Variants in NECTIN1 observed in about 807,000 individuals in gnomAD.
The protein encoded by NECTIN1 is nectin-1.
In NECTIN1, 23 loss-of-function variants were observed where a neutral mutation model predicts 48.0. The ratio of observed to expected loss-of-function variants is 0.48; its 90% CI spans 0.34 to 0.68. The LOEUF (loss-of-function observed/expected upper bound fraction) is 0.68, where lower values mean the gene tolerates loss of function less well. Ranked by LOEUF, NECTIN1 falls within the 30% of genes least tolerant of loss-of-function variation. The probability of loss-of-function intolerance (pLI) is 0.01; values close to 1 mark genes in which losing one functional copy is unlikely to be tolerated. For missense variants in NECTIN1, 591 were observed against 709.9 expected (o/e 0.83, Z 1.90); for synonymous variants, 270 against 288.9 (o/e 0.93, Z 0.66).
chr11:119,644,357 G>A (rs907714388), intron 5 of NECTIN1, among the ~76,000 whole-genome samples: 1 of 152,152 alleles, frequency 6.6e-6, no homozygotes, highest in Non-Finnish European at 1.5e-5. Context: ...GGAGCTTTGG[G>A]TCACACCCAA....
Position 119,663,349 on chromosome 11 carries a change from G to A in NECTIN1, c.*1398C>T. The A allele has an allele frequency of 1.0e-6, 1 of 985,480 alleles. No individual in the cohort carries two copies. The highest frequency in any genetic ancestry group is 1.2e-6 in the Non-Finnish European group (1 of 829,934). The allele number at this position is 985,480 out of a possible 1,614,324, so 61.0% of individuals were successfully genotyped here. ...TCCATTATATACATGGGAAGACCCA[G>A]TCTGGGGTGGCTGATAGGAACTCAA... On this transcript the variant is annotated 3_prime_UTR_variant, in exon 6 of 6. Coordinates refer to ENST00000264025, the MANE Select transcript of NECTIN1 (RefSeq NM_002855.5).
chr11:119,709,982 C>T lies in NECTIN1; in HGVS notation c.79+18493G>A, dbSNP rs1042491254. The T allele has an allele frequency of 6.6e-6, 1 of 152,232 alleles. No homozygotes were observed. Among genetic ancestry groups the T allele is most frequent in the Non-Finnish European group, 1.5e-5 (1 of 68,080 alleles). The allele number at this position is 152,232 out of a possible 1,614,324, so 9.4% of individuals were successfully genotyped here. A position where few individuals can be genotyped will look rare whatever the true frequency, so the allele number is the denominator to read the frequency against. ...ACGAGGCCGCAGAGAGCTCAGCCCC[C>T]AGGATGGACGGGAAACCCTGGGTCA... On this transcript the variant is annotated intron_variant, in intron 1 of 5. Coordinates refer to ENST00000264025, the MANE Select transcript of NECTIN1 (RefSeq NM_002855.5). This position sits in a 1 kb window ranked among gnomAD's most constrained non-coding sequence, Gnocchi z 4.1.
In NECTIN1 at chr11:119,645,109, G is replaced by C. The variant is rs1003931228; in HGVS notation, c.1004-5097C>G. On this transcript the variant is annotated intron_variant, in intron 5 of 7. Coordinates refer to the NECTIN1 transcript ENST00000341398. ...CTTGTCTCCTCTGATGCAGGCCACA[G>C]GTGTTTGCGGGGAGCCAGGAGCTCA... 8.3e-5 allele frequency among the ~76,000 whole-genome samples: 11 copies of C among 131,840 alleles called. 1 individual carries two copies. The highest frequency in any genetic ancestry group is 3.0e-4 in the African/African-American group (11 of 36,676). The allele number at this position is 131,840 out of a possible 152,430, so 86.5% of individuals were successfully genotyped here.
chr11:119,691,552 T>G (rs1464021791), intron 1 of NECTIN1, among the ~76,000 whole-genome samples: 1 of 152,228 alleles, frequency 6.6e-6, no homozygotes, highest in East Asian at 1.9e-4. Flanking sequence ...CAGCAGGGCC[T>G]GTGGACACAT....
intron 5 of NECTIN1, chr11:119,674,485 A>T: frequency 6.2e-7 from 1 of 1,612,398 alleles, no homozygotes; most frequent in Non-Finnish European, 8.5e-7. Flanking sequence ...CCTTCAAGGT[A>T]CATCATACTG....
rs148995814 is a variant in NECTIN1 at position 119,709,358 on chromosome 11, G to A, written c.79+19117C>T. 1.6e-4 allele frequency among the ~76,000 whole-genome samples: 24 copies of A among 152,240 alleles called. No individual in the cohort carries two copies. In the East Asian group the frequency reaches 4.4e-3, roughly 28 times the overall value. On this transcript the variant is annotated intron_variant, in intron 1 of 5. Transcript: ENST00000264025. This position sits in a 1 kb window ranked among gnomAD's most constrained non-coding sequence, Gnocchi z 4.1. ...CCAGCTCCACATCCGGGCCCAGGGCGCCTCTGTCTGCCACGCACTTGCCTG... is the reference window on the plus strand; with the variant it reads ...CCAGCTCCACATCCGGGCCCAGGGCACCTCTGTCTGCCACGCACTTGCCTG...
In NECTIN1 at chr11:119,702,412, G is replaced by A. The variant is rs1354448204; in HGVS notation, c.80-23647C>T. On this transcript the variant is annotated intron_variant, in intron 1 of 5. Coordinates refer to ENST00000264025, the MANE Select transcript of NECTIN1 (RefSeq NM_002855.5). The stretch of plus-strand genomic sequence containing the variant: ...AGAGCCTGGGAGTGGGTCAGCCACC[G>A]CCAGATGCCATCAAGGCGAGTCCAG... Among the ~76,000 whole-genome samples, 8 of 152,238 alleles carry A rather than the reference G, an allele frequency of 5.3e-5. No individual in the cohort carries two copies. The East Asian group carries it at 7.7e-4, about 15-fold the overall frequency.
At chr11:119,666,677 G>A (rs1423406707) in intron 5 of NECTIN1, among the ~76,000 whole-genome samples, 7 of 152,238 alleles carry the variant, frequency 4.6e-5, no homozygotes, top group African/African-American at 1.7e-4. Context: ...CCAGGCCCAC[G>A]TAAAGGGCCA....
In NECTIN1 at chr11:119,677,025, G is replaced by T; in HGVS notation, c.851+77C>A. The T allele has an allele frequency of 7.9e-7, 1 of 1,262,812 alleles. No homozygotes were observed. The highest frequency in any genetic ancestry group is 1.2e-6 in the Non-Finnish European group (1 of 860,426). 78.2% of individuals were successfully genotyped at this position (1,262,812 alleles called of 1,614,324 possible). On this transcript the variant is annotated intron_variant, in intron 4 of 5. Transcript: ENST00000264025. The surrounding 1 kb of genome is among the most constrained non-coding windows in gnomAD (Gnocchi z 5.4). Reference sequence around the variant, plus strand: ...CTTCCCTGCCTAAAGGCTCCTGGAGGTAGGATGGTTGCCCCTCATCACCCG... The same window carrying T: ...CTTCCCTGCCTAAAGGCTCCTGGAGTTAGGATGGTTGCCCCTCATCACCCG...
At chr11:119,679,561 C>T (rs538713312) in intron 1 of NECTIN1, among the ~76,000 whole-genome samples, 1 of 152,320 alleles carries the variant, frequency 6.6e-6, no homozygotes, top group African/African-American at 2.4e-5. Flanking sequence ...GCACCTGCCT[C>T]TTGTCCACAT....
intron 1 of NECTIN1, among the ~76,000 whole-genome samples, chr11:119,680,742 G>A (rs1865046022): frequency 6.6e-6 from 1 of 152,204 alleles, no homozygotes; most frequent in South Asian, 2.1e-4. Context: ...TCTCTGTGCT[G>A]ATTCACATCC....
At chr11:119,659,913 G>A (rs1215822144), downstream of NECTIN1, among the ~76,000 whole-genome samples, 1 of 152,216 alleles carries the variant, frequency 6.6e-6, no homozygotes. Context: ...GGAAGTGACC[G>A]CTTAAACAAC....
chr11:119,648,620 G>A (rs557316594), intron 5 of NECTIN1, among the ~76,000 whole-genome samples: 26 of 151,838 alleles, frequency 1.7e-4, no homozygotes, highest in African/African-American at 6.3e-4. Flanking sequence ...TGGGGTTATT[G>A]TGCCCTGAAG....
chr11:119,685,296 A>G (rs893055923), intron 1 of NECTIN1, among the ~76,000 whole-genome samples: 3 of 152,102 alleles, frequency 2.0e-5, no homozygotes, highest in Non-Finnish European at 4.4e-5. Flanking sequence ...CCAACTCCCC[A>G]CATGGAGCTG....
intron 5 of NECTIN1, among the ~76,000 whole-genome samples, chr11:119,643,674 C>T (rs1336821575): frequency 6.6e-6 from 1 of 152,214 alleles, no homozygotes; most frequent in Non-Finnish European, 1.5e-5. Flanking sequence ...TGGCCCCAGC[C>T]AGAACCCTGG....
rs543002486 is a variant in NECTIN1, at chr11:119,725,986, G to A, written c.79+2489C>T. Among the ~76,000 whole-genome samples the A allele has an allele frequency of 2.0e-5, 3 of 152,304 alleles. No individual in the cohort carries two copies. In the East Asian group the frequency reaches 5.8e-4, roughly 29 times the overall value. ...AAGAAACTGTGGATTGTCATCTCAGGAAACAGAGGCCTTTGGGGCTTCACC... is the reference window on the plus strand; with the variant it reads ...AAGAAACTGTGGATTGTCATCTCAGAAAACAGAGGCCTTTGGGGCTTCACC... On this transcript the variant is annotated intron_variant, in intron 1 of 5. Transcript: ENST00000264025.
chr11:119,676,640 A>T (rs565871491), intron 4 of NECTIN1, among the ~76,000 whole-genome samples: 1 of 152,360 alleles, frequency 6.6e-6, no homozygotes, highest in South Asian at 2.1e-4. Context: ...CCATGAGCAC[A>T]GGCATTCTAG....
chr11:119,687,138 AG>A (rs1865172661), intron 1 of NECTIN1, among the ~76,000 whole-genome samples: 1 of 152,000 alleles, frequency 6.6e-6, no homozygotes, highest in African/African-American at 2.4e-5. Context: ...ACATCCCAAC[AG>A]GGGGAAGGTT....
At chr11:119,647,538 G>A (rs1161606357) in intron 5 of NECTIN1, among the ~76,000 whole-genome samples, 1 of 152,044 alleles carries the variant, frequency 6.6e-6, no homozygotes, top group Non-Finnish European at 1.5e-5. Flanking sequence ...GGGGGTGGCT[G>A]ATCTGTCACA....
Sources: gnomAD v4.1 joint callset for allele counts (sites outside exome capture counted in the v4.1 genomes callset) on GRCh38, gnomAD v4.1.1 for gene constraint, Gnocchi (gnomAD v3.1) non-coding constraint, MANE v1.5 for transcripts, NCBI Gene and HGNC (gene_info 2026-07-23, HGNC 2026-07-21) for gene names.